PTPRK: variants seen among roughly 807,000 people sequenced by gnomAD.
PTPRK encodes protein tyrosine phosphatase receptor type K, also known as receptor-type tyrosine-protein phosphatase kappa.
PTPRK carries 75 observed loss-of-function variants against 178.0 expected under a neutral mutation model. That is an observed-to-expected ratio of 0.42 (90% confidence interval 0.35 to 0.51). The LOEUF (loss-of-function observed/expected upper bound fraction) is 0.51. Ranked by LOEUF, PTPRK falls within the 20% of genes least tolerant of loss-of-function variation. The pLI is 0.02. For synonymous variants in PTPRK, 637 were observed against 620.6 expected (o/e 1.03, Z -0.39); for missense variants, 1,441 against 1,797.8 (o/e 0.80, Z 3.59).
At chr6:128,079,428 C>T (rs142522832) in intron 10 of PTPRK, among the ~76,000 whole-genome samples, 1,582 of 152,076 alleles carry the variant, frequency 0.01, 31 homozygotes, top group African/African-American at 0.035. Context: ...AGAAACATAC[C>T]AAGAAGTGTG....
chr6:128,464,659 A>ATATATATATATATATG (rs1562577099), intron 1 of PTPRK, among the ~76,000 whole-genome samples: 2 of 108,248 alleles, frequency 1.8e-5, no homozygotes, highest in South Asian at 2.8e-4. Flanking sequence ...ATATATATAT[A>ATATATATATATATATG]TATATATATA....
chr6:128,179,795 C>A (rs1384643750), intron 7 of PTPRK, among the ~76,000 whole-genome samples: 1 of 151,922 alleles, frequency 6.6e-6, no homozygotes, highest in Non-Finnish European at 1.5e-5. Flanking sequence ...AGACTAAAGG[C>A]TAAAATTTAA....
chr6:128,199,573 AAGGG>A (rs67322703), intron 6 of PTPRK, among the ~76,000 whole-genome samples: 12,063 of 130,170 alleles, frequency 0.093, 1,130 homozygotes, highest in East Asian at 0.37. Flanking sequence ...TCAAGGAAGG[AAGGG>A]AGGGAGGGAG....
chr6:128,319,518 AT>A (rs903725123), intron 3 of PTPRK, among the ~76,000 whole-genome samples: 5 of 152,172 alleles, frequency 3.3e-5, no homozygotes, highest in African/African-American at 9.6e-5. Context: ...AAAGAATGTC[AT>A]GCTTTCAAAA....
chr6:128,152,228 A>C (rs1303490212), intron 7 of PTPRK, among the ~76,000 whole-genome samples: 1 of 152,042 alleles, frequency 6.6e-6, no homozygotes, highest in Non-Finnish European at 1.5e-5. Context: ...CTGAGAGTTA[A>C]GAGAATGGTT....
intron 2 of PTPRK, among the ~76,000 whole-genome samples, chr6:128,369,028 G>A (rs552120488): frequency 3.4e-5 from 5 of 148,784 alleles, no homozygotes; most frequent in East Asian, 2.0e-4. Flanking sequence ...CTTAATTCAC[G>A]TTCTTTTAAA....
intron 21 of PTPRK, among the ~76,000 whole-genome samples, 199 bp downstream of exon 21, chr6:127,990,570 T>A (rs537894168): frequency 6.6e-6 from 1 of 152,038 alleles, no homozygotes; most frequent in African/African-American, 2.4e-5. Context: ...GGCTCTAAGA[T>A]CCACACGAGG....
At chr6:128,360,442 G>C (rs370728478) in intron 2 of PTPRK, among the ~76,000 whole-genome samples, 2 of 152,034 alleles carry the variant, frequency 1.3e-5, no homozygotes, top group African/African-American at 4.8e-5. Context: ...TCATCAACTA[G>C]AGCCAAAAAG....
At chr6:128,307,042 G>T (rs1449215581) in intron 3 of PTPRK, among the ~76,000 whole-genome samples, 1 of 151,536 alleles carries the variant, frequency 6.6e-6, no homozygotes, top group East Asian at 1.9e-4. Flanking sequence ...AGATGTAGGG[G>T]GAGTAAGAAA....
intron 7 of PTPRK, among the ~76,000 whole-genome samples, chr6:128,129,233 T>C (rs1793842393): frequency 6.6e-6 from 1 of 152,214 alleles, no homozygotes; most frequent in Non-Finnish European, 1.5e-5. Flanking sequence ...CCTCAACTGA[T>C]TTTTCAGTAC....
At chr6:128,192,821 A>AAAGGG (rs199738370) in intron 6 of PTPRK, among the ~76,000 whole-genome samples, 2,803 of 141,746 alleles carry the variant, frequency 0.02, 94 homozygotes, top group African/African-American at 0.056. Context: ...TATATCAGAA[A>AAAGGG]AAGGGAAGGG....
chr6:128,181,867 C>A (rs1163963320), intron 7 of PTPRK, among the ~76,000 whole-genome samples: 1 of 152,056 alleles, frequency 6.6e-6, no homozygotes, highest in Non-Finnish European at 1.5e-5. Flanking sequence ...TGTTCCATTT[C>A]TTTTTATAGA....
At chr6:128,059,519 T>C (rs540166140) in intron 13 of PTPRK, among the ~76,000 whole-genome samples, 9 of 152,260 alleles carry the variant, frequency 5.9e-5, no homozygotes, top group Middle Eastern at 6.8e-3. Flanking sequence ...TTAGTTCCCT[T>C]AGGTTGTACC....
rs536502143 is a variant in PTPRK at position 127,989,936 on chromosome 6, T to G, written c.3096+833A>C. ...TTTTGTGCCACAGGTAATTTCACAA[T>G]TTTGTGTGGTCAAATCTACCAAGCT... On this transcript the variant is annotated intron_variant, in intron 21 of 29. Coordinates refer to ENST00000368226, the MANE Select transcript of PTPRK (RefSeq NM_002844.4). Among the ~76,000 whole-genome samples, 11 of 152,248 alleles carry G rather than the reference T, an allele frequency of 7.2e-5. No individual in the cohort carries two copies. The South Asian group carries it at 1.0e-3, about 14-fold the overall frequency.
At chr6:128,404,053 G>A (rs1489820982) in intron 1 of PTPRK, among the ~76,000 whole-genome samples, 5 of 152,166 alleles carry the variant, frequency 3.3e-5, no homozygotes, top group African/African-American at 1.2e-4. Flanking sequence ...CCAGCCCTTG[G>A]TTTAGATCAC....
intron 2 of PTPRK, among the ~76,000 whole-genome samples, chr6:128,361,967 G>A (rs988129565): frequency 1.3e-5 from 2 of 152,106 alleles, no homozygotes; most frequent in African/African-American, 4.8e-5. Context: ...ATACAAACCA[G>A]ATTTGCACTA....
At chr6:128,469,327 T>G (rs1406756421) in intron 1 of PTPRK, among the ~76,000 whole-genome samples, 1 of 152,212 alleles carries the variant, frequency 6.6e-6, no homozygotes, top group African/African-American at 2.4e-5. Context: ...CTTGATGCAC[T>G]CGGCTTCCAA....
chr6:128,380,779 C>A (rs1837794162), intron 2 of PTPRK, among the ~76,000 whole-genome samples: 1 of 152,116 alleles, frequency 6.6e-6, no homozygotes, highest in African/African-American at 2.4e-5. Flanking sequence ...GGTAAGACAG[C>A]CAACCTATCA....
At chr6:128,185,061 C>A (rs1302359222) in intron 6 of PTPRK, among the ~76,000 whole-genome samples, 1 of 152,066 alleles carries the variant, frequency 6.6e-6, no homozygotes, top group Non-Finnish European at 1.5e-5. Flanking sequence ...TAGAGTTGAT[C>A]TTTGACAATT....
Sources: allele counts gnomAD v4.1 joint callset (sites outside exome capture counted in the v4.1 genomes callset), GRCh38; gene constraint gnomAD v4.1.1; transcripts MANE v1.5; gene names NCBI Gene and HGNC (gene_info 2026-07-23, HGNC 2026-07-21).